Variants in TRPM2 observed in about 807,000 individuals in gnomAD.
The protein encoded by TRPM2 is transient receptor potential cation channel subfamily M member 2, also known as estrogen-responsive element-associated gene 1 protein.
Under a neutral mutation model 174.0 loss-of-function variants are expected in TRPM2, and 161 were observed. The ratio of observed to expected loss-of-function variants is 0.93; its 90% confidence interval spans 0.81 to 1.05. TRPM2 has a LOEUF of 1.05. Ranked by LOEUF, TRPM2 falls within the 50% of genes least tolerant of loss-of-function variation. The pLI is 0.00. For missense variants in TRPM2, 2,057 were observed against 2,038.0 expected (o/e 1.01, Z -0.18); for synonymous variants, 954 against 861.3 (o/e 1.11, Z -1.88).
rs1198845482 is a variant in TRPM2, at chr21:44,432,710, C to G, written c.3975-2421C>G. 1.3e-5 allele frequency among the ~76,000 whole-genome samples: 2 copies of G among 152,182 alleles called. No individual in the cohort carries two copies. Among genetic ancestry groups the G allele is most frequent in the African/African-American group, 4.8e-5 (2 of 41,440 alleles). ...CCACTCCACTTGGGCTTTGCTTGCC[C>G]CCTCTTTCTGAGATGGATTGAGGTC... On this transcript the variant is annotated intron_variant, in intron 27 of 31. Transcript: ENST00000397928. This position sits in a 1 kb window ranked among gnomAD's most constrained non-coding sequence, Gnocchi z 4.9.
intron 27 of TRPM2, among the ~76,000 whole-genome samples, chr21:44,434,402 G>T (rs1444741022): frequency 6.6e-6 from 1 of 151,876 alleles, no homozygotes; most frequent in African/African-American, 2.4e-5. Context: ...GGCGGGGATG[G>T]TGGCGGGGAC....
At chr21:44,440,432 C>G (rs948622355) in intron 30 of TRPM2, among the ~76,000 whole-genome samples, 1 of 152,170 alleles carries the variant, frequency 6.6e-6, no homozygotes, top group African/African-American at 2.4e-5. Context: ...AGCTCCTCCC[C>G]AGCACTCCCG....
intron 19 of TRPM2, among the ~76,000 whole-genome samples, chr21:44,407,232 C>T (rs1307052061): frequency 7.1e-6 from 1 of 140,192 alleles, no homozygotes. Flanking sequence ...CGCTCAAGTC[C>T]TCCTCCCACC....
chr21:44,388,086 G>C (rs1476061280), intron 9 of TRPM2, among the ~76,000 whole-genome samples: 1 of 152,156 alleles, frequency 6.6e-6, no homozygotes, highest in Non-Finnish European at 1.5e-5. Context: ...GCAGGGTCTG[G>C]AAGAGATATG....
chr21:44,401,769 C>G lies in TRPM2; in HGVS notation c.2410C>G (p.Leu804Val). The change falls in exon 16 of 32, where the codon CTC becomes GTC. Residue 804 changes from leucine to valine, a missense_variant. Physicochemically the swap from Leu to Val is conservative, Grantham distance 32. Transcript: ENST00000397928. ...CGTGGTGGTCTTCCACCTGAACATCCTCTCCTACTTCGCCTTCCTCTGCCT... is the reference window on the plus strand; with the variant it reads ...CGTGGTGGTCTTCCACCTGAACATCGTCTCCTACTTCGCCTTCCTCTGCCT... ...APVVVFHLNI[L>V]SYFAFLCLFA... The G allele has an allele frequency of 2.5e-6, 4 of 1,613,776 alleles. No individual in the cohort carries two copies. Among genetic ancestry groups the G allele is most frequent in the Non-Finnish European group, 3.4e-6 (4 of 1,180,016 alleles).
intron 5 of TRPM2, among the ~76,000 whole-genome samples, chr21:44,370,740 G>C (rs926411667): frequency 6.6e-6 from 1 of 152,164 alleles, no homozygotes; most frequent in Non-Finnish European, 1.5e-5. Context: ...GAATGTGTCC[G>C]GCGGGGTCGG....
chr21:44,431,767 T>A (rs1171119066), intron 27 of TRPM2, among the ~76,000 whole-genome samples: 1 of 152,234 alleles, frequency 6.6e-6, no homozygotes, highest in African/African-American at 2.4e-5. Flanking sequence ...TGAGCCACTA[T>A]GCCTGGTCAT....
At chr21:44,427,787 G>T (rs562652558) in intron 27 of TRPM2, among the ~76,000 whole-genome samples, 1 of 152,302 alleles carries the variant, frequency 6.6e-6, no homozygotes, top group African/African-American at 2.4e-5. Context: ...CAGGGTGTGG[G>T]CTCCTCTGCC....
At chr21:44,440,928 G>A (rs1419274623) in intron 31 of TRPM2, 23 bp downstream of exon 31, 1 of 1,607,060 alleles carries the variant, frequency 6.2e-7, no homozygotes, top group Admixed American at 1.7e-5. Flanking sequence ...CCTCCCTGGA[G>A]GCGGGAGTGG....
chr21:44,391,584 C>A lies in TRPM2; in HGVS notation c.1753C>A (p.Arg585=). 1.3e-6 allele frequency: 2 copies of A among 1,589,226 alleles called. No homozygotes were observed. The highest frequency in any genetic ancestry group is 1.7e-6 in the Non-Finnish European group (2 of 1,173,992). Residue 585 remains arginine, a synonymous_variant, in exon 11 of 32, where the codon CGG becomes AGG. Transcript: ENST00000397928. The surrounding 1 kb of genome is among the most constrained non-coding windows in gnomAD (Gnocchi z 5.0). ...PLYPRPRHND[R]LRLLLPVPHV... is the part of the protein sequence containing the mutation. ...TTATCCCCGGCCCCGGCACAACGAC[C>A]GGCTGCGGCTCCTGCTGCCCGTTCC...
chr21:44,401,231 G>A (rs1389891625), intron 15 of TRPM2, among the ~76,000 whole-genome samples: 2 of 152,204 alleles, frequency 1.3e-5, no homozygotes, highest in Non-Finnish European at 2.9e-5. Context: ...CACACCACAG[G>A]GGGAGTGTGG....
chr21:44,423,389 C>T (rs562815766), intron 22 of TRPM2: 37 of 491,934 alleles, frequency 7.5e-5, no homozygotes, highest in South Asian at 6.9e-4. Context: ...CCCCTCTCTC[C>T]TGGGACCGAC....
At chr21:44,358,666 A>G (rs527305084) in intron 2 of TRPM2, among the ~76,000 whole-genome samples, 14 of 152,296 alleles carry the variant, frequency 9.2e-5, no homozygotes, top group Admixed American at 3.3e-4. Flanking sequence ...AGGAACATAC[A>G]AGGACATTTG....
At chr21:44,394,842 T>C (rs938779879) in intron 11 of TRPM2, among the ~76,000 whole-genome samples, 2 of 152,174 alleles carry the variant, frequency 1.3e-5, no homozygotes, top group African/African-American at 4.8e-5. Flanking sequence ...ATGTGGGAGA[T>C]GGTTTTTTTT....
chr21:44,383,449 G>A (rs943690362), intron 9 of TRPM2, among the ~76,000 whole-genome samples: 9 of 152,194 alleles, frequency 5.9e-5, no homozygotes, highest in African/African-American at 2.2e-4. Context: ...GATTCTGAAG[G>A]GCTCAGCAGA....
chr21:44,379,979 C>T (rs2048831353), intron 8 of TRPM2, among the ~76,000 whole-genome samples: 1 of 152,228 alleles, frequency 6.6e-6, no homozygotes, highest in South Asian at 2.1e-4. Flanking sequence ...ATGCGCTTTC[C>T]ACTGTGTTGA....
rs1569020038 is a variant in TRPM2, at chr21:44,366,264, ACAGGAGAGGGGACAGGAGAGGG to A, written c.424-489_424-468del. On this transcript the variant is annotated intron_variant, in intron 3 of 31. Coordinates refer to ENST00000397928, the MANE Select transcript of TRPM2 (RefSeq NM_003307.4). This position sits in a 1 kb window ranked among gnomAD's most constrained non-coding sequence, Gnocchi z 6.0. ...GAGCAGAGGGGATAGGGCAGAGGGG[ACAGGAGAGGGGACAGGAGAGGG>A]GACAGGAGAGGGGACAGGAGAGGGG... 3.5e-5 allele frequency among the ~76,000 whole-genome samples: 3 copies of A among 85,548 alleles called. No homozygotes were observed. Among genetic ancestry groups the A allele is most frequent in the African/African-American group, 1.6e-4 (3 of 19,318 alleles). The allele number at this position is 85,548 out of a possible 152,430, so 56.1% of individuals were successfully genotyped here.
rs74379133 is a variant in TRPM2, at chr21:44,399,571, G to A, written c.2208+130G>A. Reference sequence around the variant, plus strand: ...GGGCCCTCAGCAGCTCGGGGACAGCGCCTGACCCCTCGGCCACCTGCTCCA... The same window carrying A: ...GGGCCCTCAGCAGCTCGGGGACAGCACCTGACCCCTCGGCCACCTGCTCCA... On this transcript the variant is annotated intron_variant, in intron 14 of 31. Coordinates refer to ENST00000397928, the MANE Select transcript of TRPM2 (RefSeq NM_003307.4). This position sits in a 1 kb window ranked among gnomAD's most constrained non-coding sequence, Gnocchi z 4.6. 24,141 of 1,267,836 alleles carry A rather than the reference G, an allele frequency of 0.019. 281 individuals carry two copies. Among genetic ancestry groups the A allele is most frequent in the Non-Finnish European group, 0.023 (21,849 of 960,790 alleles). The allele number at this position is 1,267,836 out of a possible 1,614,324, so 78.5% of individuals were successfully genotyped here.
intron 27 of TRPM2, among the ~76,000 whole-genome samples, chr21:44,429,288 T>C (rs1045593616): frequency 2.8e-4 from 40 of 140,552 alleles, no homozygotes; most frequent in Non-Finnish European, 3.7e-4. Flanking sequence ...CTTTTTTTTT[T>C]TTTTTTTTTT....
Sources: gnomAD v4.1 joint callset for allele counts (sites outside exome capture counted in the v4.1 genomes callset) on GRCh38, gnomAD v4.1.1 for gene constraint, Gnocchi (gnomAD v3.1) non-coding constraint, MANE v1.5 for transcripts, NCBI Gene and HGNC (gene_info 2026-07-23, HGNC 2026-07-21) for gene names.